The following PHF2 variants were observed in gnomAD, a reference collection of about 807,000 sequenced individuals.
The protein encoded by PHF2 is lysine-specific demethylase PHF2.
In PHF2, 27 loss-of-function variants were observed where a neutral mutation model predicts 120.5. That is an observed-to-expected ratio of 0.22 (90% CI 0.17 to 0.31). The LOEUF (loss-of-function observed/expected upper bound fraction) is 0.31. Ranked by LOEUF, PHF2 falls within the 10% of genes least tolerant of loss-of-function variation. PHF2 has a pLI of 1.00. For synonymous variants in PHF2, 568 were observed against 592.5 expected (o/e 0.96, Z 0.60); for missense variants, 1,024 against 1,434.8 (o/e 0.71, Z 4.63).
chr9:93,630,642 G>T (rs1345433485), intron 2 of PHF2, among the ~76,000 whole-genome samples: 1 of 152,156 alleles, frequency 6.6e-6, no homozygotes, highest in Non-Finnish European at 1.5e-5. Flanking sequence ...AGGTGTGCTG[G>T]GTCCTGGGAT....
chr9:93,614,673 A>G (rs920476757), intron 1 of PHF2, among the ~76,000 whole-genome samples: 2 of 152,174 alleles, frequency 1.3e-5, no homozygotes, highest in African/African-American at 2.4e-5. Flanking sequence ...TTCCACGGAG[A>G]TTCTGTTTTT....
At position 93,645,513 on chromosome 9, in the gene PHF2, G is replaced by A. The variant is rs888265706; in HGVS notation, c.300-116G>A. 15 of 1,061,668 alleles carry A rather than the reference G, an allele frequency of 1.4e-5. No individual in the cohort carries two copies. The African/African-American group carries it at 2.2e-4, about 16-fold the overall frequency. The allele number at this position is 1,061,668 out of a possible 1,614,324, so 65.8% of individuals were successfully genotyped here. A position where few individuals can be genotyped will look rare whatever the true frequency, so the allele number is the denominator to read the frequency against. On this transcript the variant is annotated intron_variant, in intron 3 of 21. Coordinates refer to ENST00000359246, the MANE Select transcript of PHF2 (RefSeq NM_005392.4). ...CGGCCAGGCCTCCTCCTGTGGCTGT[G>A]GGAGGTGGGTGGCCAGACCCAGGCT... is the stretch of plus-strand genomic sequence containing the variant.
chr9:93,637,163 G>GT (rs201387767), intron 3 of PHF2, among the ~76,000 whole-genome samples: 2,026 of 152,210 alleles, frequency 0.013, 34 homozygotes, highest in South Asian at 0.084. Context: ...AAGTTGGTGG[G>GT]TTTTTTTTCT....
At chr9:93,592,790 A>G (rs912457644) in intron 1 of PHF2, among the ~76,000 whole-genome samples, 5 of 152,090 alleles carry the variant, frequency 3.3e-5, no homozygotes, top group African/African-American at 1.2e-4. Flanking sequence ...CTGCAGACAG[A>G]GGGGGCCAAG....
At chr9:93,663,739 C>T (rs1019512927) in intron 14 of PHF2, 104 bp downstream of exon 14, 20 of 669,782 alleles carry the variant, frequency 3.0e-5, no homozygotes, top group Non-Finnish European at 4.3e-5. Flanking sequence ...ACACACATTA[C>T]ACACACACTA....
chr9:93,660,679 G>A, intron 12 of PHF2, 119 bp downstream of exon 12: 1 of 946,148 alleles, frequency 1.1e-6, no homozygotes, highest in Admixed American at 3.3e-5. Context: ...GGGCCCCTGA[G>A]AAGATGTGGG....
intron 1 of PHF2, among the ~76,000 whole-genome samples, chr9:93,588,372 G>A (rs990680199): frequency 3.3e-5 from 5 of 152,204 alleles, no homozygotes; most frequent in African/African-American, 7.2e-5. Flanking sequence ...TAGGGTGAGA[G>A]GTCCGTTCTA....
At chr9:93,672,235 T>G (rs1826811682) in intron 17 of PHF2, among the ~76,000 whole-genome samples, 1 of 144,162 alleles carries the variant, frequency 6.9e-6, no homozygotes, top group South Asian at 2.3e-4. Context: ...CAGGTGTGGG[T>G]GTGGATGTAG....
intron 17 of PHF2, among the ~76,000 whole-genome samples, chr9:93,668,591 TG>T (rs1254026718): frequency 6.6e-6 from 1 of 151,990 alleles, no homozygotes; most frequent in African/African-American, 2.4e-5. Flanking sequence ...TGTGGGCACC[TG>T]GGACTTGCAG....
intron 1 of PHF2, among the ~76,000 whole-genome samples, chr9:93,591,009 C>CT (rs1345624545): frequency 6.6e-6 from 1 of 152,266 alleles, no homozygotes; most frequent in Non-Finnish European, 1.5e-5. Context: ...GCTCCGGGGC[C>CT]ATACTTGGCC....
At chr9:93,600,717 T>C (rs1587672378) in intron 1 of PHF2, among the ~76,000 whole-genome samples, 1 of 152,164 alleles carries the variant, frequency 6.6e-6, no homozygotes, top group South Asian at 2.1e-4. Context: ...CAGCTGGCAC[T>C]GGGGGAGGGG....
intron 2 of PHF2, 56 bp from the exon 3 acceptor site, chr9:93,636,355 G>A: frequency 1.4e-6 from 2 of 1,385,216 alleles, no homozygotes; most frequent in Non-Finnish European, 1.0e-6. Flanking sequence ...GGGAAGTTGT[G>A]GAGCCCTGCT....
chr9:93,662,458 G>C (rs547152761), intron 12 of PHF2, among the ~76,000 whole-genome samples: 28 of 151,784 alleles, frequency 1.8e-4, no homozygotes, highest in African/African-American at 6.3e-4. Context: ...TGGGTAGATG[G>C]ATAAATAAAT....
chr9:93,577,653 T>A (rs1486508482), intron 1 of PHF2, among the ~76,000 whole-genome samples: 1 of 152,166 alleles, frequency 6.6e-6, no homozygotes, highest in African/African-American at 2.4e-5. Flanking sequence ...TCCTCTCCGT[T>A]CCCGGCAGGA....
At chr9:93,672,843 C>T (rs1446871159) in intron 17 of PHF2, 2 of 973,398 alleles carry the variant, frequency 2.1e-6, no homozygotes, top group East Asian at 2.4e-4. Flanking sequence ...GGTGTAGATG[C>T]AGGTGCAGGG....
intron 1 of PHF2, among the ~76,000 whole-genome samples, chr9:93,624,595 G>A (rs536110636): frequency 2.7e-5 from 4 of 150,932 alleles, no homozygotes; most frequent in African/African-American, 7.3e-5. Flanking sequence ...GACAACGGTC[G>A]TTGTGATGAT....
At position 93,673,875 on chromosome 9, in the gene PHF2, C is replaced by G; in HGVS notation, c.2626+13C>G. 2 of 1,572,236 alleles carry G rather than the reference C, an allele frequency of 1.3e-6. No homozygotes were observed. Among genetic ancestry groups the G allele is most frequent in the East Asian group, 2.3e-5 (1 of 44,126 alleles). On this transcript the variant is annotated intron_variant, in intron 18 of 21. Transcript: ENST00000359246. ...GACTCAGACTACGGTGAGTGTCACT[C>G]CTGCGTGGGGCAGGGCCCATGCTCA...
At chr9:93,646,449 A>G (rs1012492366) in intron 4 of PHF2, among the ~76,000 whole-genome samples, 3 of 152,208 alleles carry the variant, frequency 2.0e-5, no homozygotes, top group Non-Finnish European at 2.9e-5. Flanking sequence ...CAGGGCTTCA[A>G]GGTGCTCATG....
intron 6 of PHF2, among the ~76,000 whole-genome samples, chr9:93,654,081 G>A (rs1315819577): frequency 6.6e-6 from 1 of 152,200 alleles, no homozygotes; most frequent in Non-Finnish European, 1.5e-5. Context: ...CCCAGCCTGA[G>A]ATCCAAGTGG....
Sources: gnomAD v4.1 joint callset for allele counts (sites outside exome capture counted in the v4.1 genomes callset) on GRCh38, gnomAD v4.1.1 for gene constraint, MANE v1.5 for transcripts, NCBI Gene and HGNC (gene_info 2026-07-23, HGNC 2026-07-21) for gene names.